The following DNMBP variants were observed in gnomAD, a reference collection of about 807,000 sequenced individuals.
DNMBP encodes the protein dynamin binding protein.
In DNMBP, 87 loss-of-function variants were observed where a neutral mutation model predicts 150.0. The ratio of observed to expected loss-of-function variants is 0.58; its 90% CI spans 0.49 to 0.69. The LOEUF (loss-of-function observed/expected upper bound fraction) is 0.69, where lower values mean the gene tolerates loss of function less well. Ranked by LOEUF, DNMBP falls within the 30% of genes least tolerant of loss-of-function variation. DNMBP has a pLI of 0.00. For synonymous variants in DNMBP, 711 were observed against 750.4 expected, an observed-to-expected ratio of 0.95 and a Z score of 0.86; for missense variants, 1,774 against 1,949.0, an observed-to-expected ratio of 0.91 and a Z score of 1.69.
chr10:99,954,744 C>CAAAAAA (rs751589220), intron 4 of DNMBP, among the ~76,000 whole-genome samples: 1 of 48,834 alleles, frequency 2.0e-5, no homozygotes, highest in African/African-American at 7.7e-5. Context: ...AACTCTGTCT[C>CAAAAAA]AAAAAAAAAA....
rs991820932 is a variant in DNMBP, at chr10:99,879,724, G to A, written c.4548+87C>T. 8.3e-6 allele frequency: 13 copies of A among 1,563,702 alleles called. 1 individual carries two copies. The South Asian group carries it at 1.1e-4, about 13-fold the overall frequency. On this transcript the variant is annotated intron_variant, in intron 16 of 16. Coordinates refer to ENST00000324109, the MANE Select transcript of DNMBP (RefSeq NM_015221.4). ...ATCTCAGATCACCCCTAGGCCTCAG[G>A]CAAGCCACTTCTGCCTCACCCCCGC...
rs1317078272 is a variant in DNMBP at position 99,955,432 on chromosome 10, A to G, written c.2042T>C (p.Met681Thr). 3 of 1,613,492 alleles carry G rather than the reference A, an allele frequency of 1.9e-6. No homozygotes were observed. The highest frequency in any genetic ancestry group is 1.7e-5 in the Admixed American group (1 of 59,952). ...ETLEKEGPGH[M>T]GRSLDQTSPC... The stretch of plus-strand genomic sequence containing the variant: ...GGAGGTCTGGTCCAGACTCCTTCCC[A>G]TATGACCAGGGCCCTCCTTTTCTAA... Residue 681 changes from methionine to threonine, a missense_variant, in exon 4 of 17, where the codon ATG becomes ACG. Transcript: ENST00000324109.
rs140395560 is a variant in DNMBP, at chr10:99,937,335, C to G, written c.2260+17879G>C. 1.7e-3 allele frequency among the ~76,000 whole-genome samples: 260 copies of G among 152,310 alleles called. No homozygotes were observed. In the Middle Eastern group the frequency reaches 0.034, roughly 20 times the overall value. On this transcript the variant is annotated intron_variant, in intron 4 of 16. Coordinates refer to ENST00000324109, the MANE Select transcript of DNMBP (RefSeq NM_015221.4). ...CCATGTTTTCAGTGTGTACTATGGG[C>G]TACGATCAGCACTAGGAAGATGGTA...
At chr10:99,891,455 G>A (rs1389991968) in intron 11 of DNMBP, among the ~76,000 whole-genome samples, 1 of 151,982 alleles carries the variant, frequency 6.6e-6, no homozygotes, top group Non-Finnish European at 1.5e-5. Context: ...GATTGCAGAC[G>A]GAGTCTCGTT....
chr10:99,955,529 G>T lies in DNMBP; in HGVS notation c.1945C>A (p.Pro649Thr), dbSNP rs2040477278. The T allele has an allele frequency of 6.3e-7, 1 of 1,597,038 alleles. No individual in the cohort carries two copies. Among genetic ancestry groups the T allele is most frequent in the East Asian group, 2.2e-5 (1 of 44,678 alleles). ...GCATTCGTTCTCTGCTGTGCTGAGG[G>T]AGGCAGGGGAGCTGGGCGAGAGGGT... ...VRPSRPAPLP[P>T]SAQQRTNAVS... is the part of the protein sequence containing the mutation. Residue 649 changes from proline to threonine, a missense_variant, in exon 4 of 17, where the codon CCC becomes ACC. By Grantham distance (38) the Pro-to-Thr change is conservative (BLOSUM62 -1). This residue lies in a region of DNMBP where 1,430 missense variants were observed against 1,492.5 expected (regional missense o/e 0.96). Transcript: ENST00000324109.
chr10:99,924,763 G>A (rs945622205), intron 4 of DNMBP, among the ~76,000 whole-genome samples: 1 of 152,222 alleles, frequency 6.6e-6, no homozygotes, highest in African/African-American at 2.4e-5. Flanking sequence ...ATGTTCACAT[G>A]TTTGCAATGA....
At chr10:99,986,824 C>T (rs2040832921) in intron 1 of DNMBP, among the ~76,000 whole-genome samples, 1 of 151,988 alleles carries the variant, frequency 6.6e-6, no homozygotes, top group Non-Finnish European at 1.5e-5. Flanking sequence ...TAGAACTCAT[C>T]CCAAAATTCA....
At chr10:99,895,609 C>T (rs1164047357) in intron 10 of DNMBP, among the ~76,000 whole-genome samples, 1 of 152,220 alleles carries the variant, frequency 6.6e-6, no homozygotes, top group East Asian at 1.9e-4. Context: ...CTCTTCACCC[C>T]AGCACTGCCA....
At chr10:99,981,430 C>A (rs1174936020) in intron 1 of DNMBP, among the ~76,000 whole-genome samples, 1 of 152,180 alleles carries the variant, frequency 6.6e-6, no homozygotes, top group Non-Finnish European at 1.5e-5. Context: ...GATCTGCCCG[C>A]CTTGGCCTCT....
intron 4 of DNMBP, among the ~76,000 whole-genome samples, chr10:99,933,375 T>G (rs2040182398): frequency 6.6e-6 from 1 of 152,242 alleles, no homozygotes; most frequent in Non-Finnish European, 1.5e-5. Context: ...TTCCAGGTTC[T>G]AAGTTGTGTA....
chr10:99,931,504 C>T (rs1589425176), intron 4 of DNMBP, among the ~76,000 whole-genome samples: 1 of 152,126 alleles, frequency 6.6e-6, no homozygotes, highest in African/African-American at 2.4e-5. Flanking sequence ...GATTTTATAG[C>T]GTAAACATTC....
rs368292273 is a variant in DNMBP at position 99,896,339 on chromosome 10, G to A, written c.2979C>T (p.Asn993=). The A allele has an allele frequency of 6.2e-7, 1 of 1,614,060 alleles. No homozygotes were observed. Among genetic ancestry groups the A allele is most frequent in the Non-Finnish European group, 8.5e-7 (1 of 1,179,940 alleles). Reference sequence around the variant, plus strand: ...TGGATTTCTTGATGATGGAGTGGATGTTCAGTTTGGAAATTTTCTCCATAA... The same window carrying A: ...TGGATTTCTTGATGATGGAGTGGATATTCAGTTTGGAAATTTTCTCCATAA... ...DSLMEKISKL[N]IHSIIKKSNR... is the part of the protein sequence containing the mutation. The change falls in exon 10 of 17, where the codon AAC becomes AAT. Residue 993 remains asparagine, a synonymous_variant. Transcript: ENST00000324109.
At chr10:99,920,130 C>T (rs2040006532) in intron 4 of DNMBP, among the ~76,000 whole-genome samples, 4 of 151,332 alleles carry the variant, frequency 2.6e-5, no homozygotes. Context: ...GGCTGGAGTG[C>T]AATGATGTGA....
chr10:99,909,111 C>T lies in DNMBP; in HGVS notation c.2296G>A (p.Val766Met). The stretch of plus-strand genomic sequence containing the variant: ...GCAGACACAGACCCAGAAGGGGCCA[C>T]CAGTGATGAAGACTGGGAGGAGAGG... ...TLLSSQSSSL[V>M]APSGSVSAEN... The change falls in exon 5 of 17, where the codon GTG becomes ATG. Residue 766 changes from valine to methionine, a missense_variant. Transcript: ENST00000324109. 1 of 1,614,076 alleles carries T rather than the reference C, an allele frequency of 6.2e-7. No homozygotes were observed. Among genetic ancestry groups the T allele is most frequent in the South Asian group, 1.1e-5 (1 of 91,076 alleles).
intron 1 of DNMBP, among the ~76,000 whole-genome samples, chr10:99,992,495 G>T (rs2040906205): frequency 6.6e-6 from 1 of 151,724 alleles, no homozygotes; most frequent in Non-Finnish European, 1.5e-5. Flanking sequence ...ACTCTGGGAG[G>T]CTGAGGCAGG....
chr10:99,887,197 C>T (rs1339877059), intron 12 of DNMBP, among the ~76,000 whole-genome samples: 1 of 151,256 alleles, frequency 6.6e-6, no homozygotes, highest in Non-Finnish European at 1.5e-5. Flanking sequence ...GTTGGGATTA[C>T]AGGAGTCAGC....
chr10:99,930,621 A>C (rs1357711036), intron 4 of DNMBP: 2 of 702,906 alleles, frequency 2.8e-6, no homozygotes, highest in East Asian at 5.4e-5. Flanking sequence ...CCTGGGATCC[A>C]AGTCATTTTC....
chr10:99,900,474 CA>C (rs940260215), intron 6 of DNMBP, among the ~76,000 whole-genome samples: 4 of 152,148 alleles, frequency 2.6e-5, no homozygotes, highest in Admixed American at 2.6e-4. Context: ...CCATGTTGCC[CA>C]GGCTCATGTA....
chr10:99,879,017 G>A lies in DNMBP; in HGVS notation c.4548+794C>T, dbSNP rs1383774132. On this transcript the variant is annotated intron_variant, in intron 16 of 16. Transcript: ENST00000324109. ...GGAGAATCGCTTGAACCTGGGAGGC[G>A]GAGGTTGCAGTGAGCTGAGATTGCG... is the stretch of plus-strand genomic sequence containing the variant. Among the ~76,000 whole-genome samples the A allele has an allele frequency of 3.4e-5, 5 of 145,046 alleles. No individual in the cohort carries two copies. In the South Asian group the frequency reaches 6.8e-4, roughly 20 times the overall value.
Sources: gnomAD v4.1 joint callset for allele counts (sites outside exome capture counted in the v4.1 genomes callset) on GRCh38, gnomAD v4.1.1 for gene constraint, gnomAD v4.1.1 regional missense constraint, MANE v1.5 for transcripts, NCBI Gene and HGNC (gene_info 2026-07-23, HGNC 2026-07-21) for gene names.